PLCG2: variants seen among roughly 807,000 people sequenced by gnomAD.
PLCG2 encodes the protein phospholipase C gamma 2.
PLCG2 carries 69 observed loss-of-function variants against 175.6 expected under a neutral mutation model. The observed-to-expected ratio is 0.39, with a 90% CI of 0.32 to 0.48. The LOEUF (loss-of-function observed/expected upper bound fraction) is 0.48. Among genes scored for constraint, PLCG2 ranks in the 20% least tolerant of loss-of-function variants. PLCG2 has a pLI of 0.91. For missense variants in PLCG2, 1,798 were observed against 1,650.9 expected, an observed-to-expected ratio of 1.09 and a Z score of -1.54; for synonymous variants, 827 against 624.0, an observed-to-expected ratio of 1.33 and a Z score of -4.85.
chr16:81,886,138 C>G (rs1330615505), intron 9 of PLCG2, among the ~76,000 whole-genome samples: 3 of 152,176 alleles, frequency 2.0e-5, no homozygotes, highest in East Asian at 1.9e-4. Context: ...GCCTCGCATC[C>G]TAGAATTCAC....
intron 31 of PLCG2, among the ~76,000 whole-genome samples, chr16:81,948,280 G>T (rs1911231020): frequency 1.4e-5 from 2 of 138,276 alleles, no homozygotes. Flanking sequence ...AACTGGAATA[G>T]GCCTCCACTG....
At chr16:81,799,017 G>A (rs1159718112) in intron 2 of PLCG2, 2 of 152,320 alleles carry the variant, frequency 1.3e-5, no homozygotes, top group East Asian at 3.8e-4. Context: ...CCGTGTCCCT[G>A]GGGAGGCAAG....
At chr16:81,804,081 A>C (rs1309256177) in intron 2 of PLCG2, among the ~76,000 whole-genome samples, 1 of 152,210 alleles carries the variant, frequency 6.6e-6, no homozygotes, top group African/African-American at 2.4e-5. Context: ...CTAAGAGTGG[A>C]ATTCTAGGTT....
At chr16:81,808,425 C>G (rs1389188591) in intron 2 of PLCG2, among the ~76,000 whole-genome samples, 1 of 152,178 alleles carries the variant, frequency 6.6e-6, no homozygotes, top group Non-Finnish European at 1.5e-5. Context: ...CTGTGTGGCC[C>G]CAAGCCCACA....
At position 81,891,554 on chromosome 16, in the gene PLCG2, C is replaced by T. The variant is rs773116531; in HGVS notation, c.950C>T (p.Pro317Leu). The T allele has an allele frequency of 1.9e-6, 3 of 1,608,284 alleles. No homozygotes were observed. The highest frequency in any genetic ancestry group is 1.7e-5 in the Admixed American group (1 of 60,026). Reference protein sequence around the residue: ...DAVDMQDMNNPLSHYWISSSH... With the variant: ...DAVDMQDMNNLLSHYWISSSH... ...GTGGACATGCAGGACATGAACAACC[C>T]CCTGTCTCATTACTGGATCTCCTCG... The change falls in exon 11 of 33, where the codon CCC (proline) becomes CTC (leucine). Residue 317 changes from proline to leucine, a missense_variant. Pro to Leu is a moderately conservative substitution (Grantham distance 98). Coordinates refer to ENST00000564138, the MANE Select transcript of PLCG2 (RefSeq NM_002661.5).
chr16:81,824,373 A>T (rs191350079), intron 2 of PLCG2, among the ~76,000 whole-genome samples: 11 of 152,214 alleles, frequency 7.2e-5, no homozygotes, highest in Middle Eastern at 3.4e-3. Context: ...ATCTTAAGTA[A>T]TCCACCCACC....
chr16:81,941,228 T>C (rs1314957518), intron 30 of PLCG2, among the ~76,000 whole-genome samples: 1 of 152,146 alleles, frequency 6.6e-6, no homozygotes, highest in African/African-American at 2.4e-5. Context: ...GCAGGCATGC[T>C]AGAAAATCCA....
chr16:81,878,560 C>G (rs990453113), intron 7 of PLCG2, among the ~76,000 whole-genome samples: 1 of 152,166 alleles, frequency 6.6e-6, no homozygotes, highest in African/African-American at 2.4e-5. Flanking sequence ...TTTAAAGTAA[C>G]CTACTCCAAG....
chr16:81,845,238 G>A (rs548764720), intron 2 of PLCG2, among the ~76,000 whole-genome samples: 8 of 152,264 alleles, frequency 5.3e-5, no homozygotes, highest in African/African-American at 1.9e-4. Flanking sequence ...ATTGTTCCCT[G>A]TCCCGTGTTA....
In PLCG2 at chr16:81,938,045, G is replaced by C. The variant is rs2143731694; in HGVS notation, c.3198+142G>C. ...CGATCCCCATTCAGGCAGTGTTTGAGGATCTTTCTTTCTTACAGTACACTC... is the reference window on the plus strand; with the variant it reads ...CGATCCCCATTCAGGCAGTGTTTGACGATCTTTCTTTCTTACAGTACACTC... On this transcript the variant is annotated intron_variant, in intron 28 of 32. Coordinates refer to ENST00000564138, the MANE Select transcript of PLCG2 (RefSeq NM_002661.5). The C allele has an allele frequency of 1.4e-5, 10 of 736,222 alleles. No individual in the cohort carries two copies. The South Asian group carries it at 1.9e-4, about 14-fold the overall frequency. 45.6% of individuals were successfully genotyped at this position (736,222 alleles called of 1,614,324 possible). A position where few individuals can be genotyped will look rare whatever the true frequency, so the allele number is the denominator to read the frequency against.
At chr16:81,849,095 C>T (rs911986387) in intron 2 of PLCG2, among the ~76,000 whole-genome samples, 2 of 151,980 alleles carry the variant, frequency 1.3e-5, no homozygotes, top group African/African-American at 2.4e-5. Flanking sequence ...GCTTAGGCCA[C>T]GTGGGGTTGG....
chr16:81,837,570 T>C (rs1466413649), intron 2 of PLCG2, among the ~76,000 whole-genome samples: 1 of 152,174 alleles, frequency 6.6e-6, no homozygotes, highest in Non-Finnish European at 1.5e-5. Flanking sequence ...GGCAAAGCGT[T>C]AACAACAGGC....
chr16:81,820,424 G>C (rs1904742929), intron 2 of PLCG2, among the ~76,000 whole-genome samples: 1 of 152,130 alleles, frequency 6.6e-6, no homozygotes, highest in South Asian at 2.1e-4. Context: ...TGAAACAGTA[G>C]ACTGTGTTTT....
rs181655438 is a variant in PLCG2 at position 81,786,207 on chromosome 16, T to C, written c.193+25T>C. On this transcript the variant is annotated intron_variant, in intron 2 of 32. Coordinates refer to ENST00000564138, the MANE Select transcript of PLCG2 (RefSeq NM_002661.5). ...TGTGAGTACTCGCTGGGTGGGGCAG[T>C]GTGGCCCGTCCTCTGGGGCCCTGGC... is the stretch of plus-strand genomic sequence containing the variant. 13,641 of 1,604,720 alleles carry C rather than the reference T, an allele frequency of 8.5e-3. 86 individuals carry two copies. The highest frequency in any genetic ancestry group is 0.014 in the Middle Eastern group (75 of 5,282).
chr16:81,844,046 G>A (rs573030689), intron 2 of PLCG2, among the ~76,000 whole-genome samples: 5 of 143,548 alleles, frequency 3.5e-5, no homozygotes, highest in South Asian at 4.4e-4. Context: ...GTGTGACGTC[G>A]GCTCACTACA....
At chr16:81,769,618 T>A (rs868383721) in intron 2 of PLCG2, among the ~76,000 whole-genome samples, 2 of 151,022 alleles carry the variant, frequency 1.3e-5, no homozygotes, top group Non-Finnish European at 3.0e-5. Context: ...ATCGAGACCA[T>A]CCCGGCTAAA....
chr16:81,949,177 T>C (rs1911270529), intron 31 of PLCG2, among the ~76,000 whole-genome samples: 1 of 152,114 alleles, frequency 6.6e-6, no homozygotes, highest in Non-Finnish European at 1.5e-5. Context: ...GGACCTAATA[T>C]GAAAGCATGT....
chr16:81,802,233 C>G (rs1911760675), intron 2 of PLCG2, among the ~76,000 whole-genome samples: 1 of 150,886 alleles, frequency 6.6e-6, no homozygotes, highest in African/African-American at 2.4e-5. Context: ...TTGCCTCAGC[C>G]TCCACAGTAG....
At chr16:81,856,602 T>G (rs1258150493) in intron 3 of PLCG2, among the ~76,000 whole-genome samples, 1 of 152,192 alleles carries the variant, frequency 6.6e-6, no homozygotes, top group African/African-American at 2.4e-5. Context: ...TTCCAGATTC[T>G]GCATTTTATT....
Sources: gnomAD v4.1 joint callset for allele counts (sites outside exome capture counted in the v4.1 genomes callset) on GRCh38, gnomAD v4.1.1 for gene constraint, MANE v1.5 for transcripts, NCBI Gene and HGNC (gene_info 2026-07-23, HGNC 2026-07-21) for gene names.